Variants in PTK7 observed in about 807,000 individuals in gnomAD.
The protein encoded by PTK7 is protein tyrosine kinase 7 (inactive), also known as inactive tyrosine-protein kinase 7.
In PTK7, 39 loss-of-function variants were observed where a neutral mutation model predicts 116.6. That is an observed-to-expected ratio of 0.33 (90% CI 0.26 to 0.44). The LOEUF (loss-of-function observed/expected upper bound fraction) is 0.44, where lower values mean the gene tolerates loss of function less well. PTK7 is among the 20% of genes least tolerant of loss of function. The probability of loss-of-function intolerance (pLI) is 1.00; values close to 1 mark genes in which losing one functional copy is unlikely to be tolerated. For missense variants in PTK7, 1,169 were observed against 1,425.6 expected (o/e 0.82, Z 2.90); for synonymous variants, 546 against 563.6 (o/e 0.97, Z 0.44).
intron 17 of PTK7, among the ~76,000 whole-genome samples, chr6:43,157,364 ATTTTTTTTTTTCTTTTTTTTTT>A (rs1771550682): frequency 1.8e-5 from 1 of 54,364 alleles, no homozygotes; most frequent in African/African-American, 7.2e-5. Flanking sequence ...ATATATATAT[ATTTTTTTTTTTCTTTTTTTTTT>A]TTTTTTTTTA....
At position 43,108,211 on chromosome 6, in the gene PTK7, C is replaced by G. The variant is rs550526315; in HGVS notation, c.80-20766C>G. Among the ~76,000 whole-genome samples, 13 of 151,748 alleles carry G rather than the reference C, an allele frequency of 8.6e-5. No individual in the cohort carries two copies. In the South Asian group the frequency reaches 2.7e-3, roughly 32 times the overall value. On this transcript the variant is annotated intron_variant, in intron 1 of 19. Coordinates refer to ENST00000230419, the MANE Select transcript of PTK7 (RefSeq NM_002821.5). ...CCAGGTTCAAGCGATTCTCCTGCCT[C>G]AGCCTCCTGAGTAGCTGGGACTACA...
intron 16 of PTK7, 140 bp from the exon 17 acceptor site, chr6:43,146,478 C>G: frequency 1.4e-6 from 1 of 690,498 alleles, no homozygotes; most frequent in South Asian, 1.9e-5. Context: ...GTGAACTTCC[C>G]CCTGGGAAAG....
intron 1 of PTK7, among the ~76,000 whole-genome samples, chr6:43,116,238 C>T (rs1239121707): frequency 1.3e-5 from 2 of 152,114 alleles, no homozygotes; most frequent in Non-Finnish European, 2.9e-5. Context: ...AAGGAAGGGT[C>T]GCAAGAGGGG....
intron 1 of PTK7, among the ~76,000 whole-genome samples, chr6:43,088,647 A>G (rs148434428): frequency 0.022 from 3,341 of 152,218 alleles, 54 homozygotes; most frequent in Non-Finnish European, 0.034. Flanking sequence ...AGTTGAGATC[A>G]TGCTACTGCA....
At chr6:43,157,358 A>ATTTTTTTT (rs1205979544) in intron 17 of PTK7, among the ~76,000 whole-genome samples, 1 of 3,752 alleles carries the variant, frequency 2.7e-4, no homozygotes, top group Admixed American at 5.2e-3. Flanking sequence ...ATATATATAT[A>ATTTTTTTT]TATATATTTT....
intron 1 of PTK7, among the ~76,000 whole-genome samples, chr6:43,101,938 G>A (rs1162781072): frequency 2.6e-5 from 4 of 152,230 alleles, no homozygotes; most frequent in African/African-American, 9.6e-5. Context: ...GTTCACGCCT[G>A]TAATCCCAGC....
intron 17 of PTK7, among the ~76,000 whole-genome samples, chr6:43,153,433 A>G (rs372856249): frequency 7.7e-5 from 11 of 143,206 alleles, no homozygotes; most frequent in African/African-American, 2.4e-4. Context: ...TTTTTGAGAC[A>G]GAGTCTCATT....
chr6:43,132,247 C>G, intron 6 of PTK7, 83 bp downstream of exon 6: 1 of 1,526,142 alleles, frequency 6.6e-7, no homozygotes, highest in Non-Finnish European at 8.8e-7. Flanking sequence ...TCTGTTTTTA[C>G]TCAGCCGCTT....
chr6:43,124,625 G>A (rs368030610), intron 1 of PTK7, among the ~76,000 whole-genome samples: 13 of 152,044 alleles, frequency 8.6e-5, no homozygotes, highest in African/African-American at 2.7e-4. Flanking sequence ...GCAGTGAGCC[G>A]TGATGGCACC....
chr6:43,128,744 C>T (rs1337679563), intron 1 of PTK7, among the ~76,000 whole-genome samples: 2 of 152,158 alleles, frequency 1.3e-5, no homozygotes, highest in African/African-American at 4.8e-5. Flanking sequence ...GAGATCACAC[C>T]ACCACATTCC....
At chr6:43,108,481 C>T (rs1236927542) in intron 1 of PTK7, among the ~76,000 whole-genome samples, 10 of 151,384 alleles carry the variant, frequency 6.6e-5, no homozygotes, top group African/African-American at 2.4e-4. Context: ...CTCACTGCAG[C>T]CTCCACCTCC....
intron 17 of PTK7, among the ~76,000 whole-genome samples, chr6:43,150,595 G>A (rs999931483): frequency 2.6e-5 from 4 of 151,988 alleles, no homozygotes; most frequent in Non-Finnish European, 4.4e-5. Context: ...ATGAGGGCAC[G>A]TTACCAAAAC....
In PTK7 at chr6:43,157,584, A is replaced by G. The variant is rs796167524; in HGVS notation, c.2722-1233A>G. Among the ~76,000 whole-genome samples, 18 of 151,542 alleles carry G rather than the reference A, an allele frequency of 1.2e-4. No individual in the cohort carries two copies. The South Asian group carries it at 1.3e-3, about 11-fold the overall frequency. ...GTAAAATGAAAAAGAAACAACCCAT[A>G]AAGATATCATCTAAGATCAGGCATG... On this transcript the variant is annotated intron_variant, in intron 17 of 19. Transcript: ENST00000230419.
intron 1 of PTK7, among the ~76,000 whole-genome samples, chr6:43,120,666 C>G (rs945635152): frequency 6.6e-5 from 10 of 152,154 alleles, no homozygotes; most frequent in African/African-American, 2.4e-4. Flanking sequence ...GCCCCCGTTT[C>G]TGTAACTACC....
At chr6:43,106,246 T>C (rs1284000412) in intron 1 of PTK7, among the ~76,000 whole-genome samples, 1 of 152,200 alleles carries the variant, frequency 6.6e-6, no homozygotes, top group African/African-American at 2.4e-5. Flanking sequence ...AGTTCTCTGA[T>C]CATGCCTGGT....
chr6:43,088,798 G>A (rs1766797953), intron 1 of PTK7, among the ~76,000 whole-genome samples: 1 of 152,164 alleles, frequency 6.6e-6, no homozygotes, highest in African/African-American at 2.4e-5. Context: ...CCGATGGCTT[G>A]AGCTTTTCTC....
At position 43,130,669 on chromosome 6, in the gene PTK7, A is replaced by G. The variant is rs1225963448; in HGVS notation, c.812+8A>G. 8 of 1,614,170 alleles carry G rather than the reference A, an allele frequency of 5.0e-6. No individual in the cohort carries two copies. The highest frequency in any genetic ancestry group is 5.1e-6 in the Non-Finnish European group (6 of 1,180,018). The stretch of plus-strand genomic sequence containing the variant: ...CATCACTAACCGCAGTCGGTAAGGC[A>G]TCTGGCTGGGAGCATTCCAGTACCA... On this transcript the variant is annotated splice_region_variant and intron_variant, in intron 5 of 19. Transcript: ENST00000230419.
In PTK7 at chr6:43,076,355, C is replaced by T. The variant is rs1582035974; in HGVS notation, c.-134C>T. ...TCCGGCTCGGGACGCCTCGGGACGC[C>T]TCGGGGTCGGGCTCCGGCTGCGGCT... On this transcript the variant is annotated 5_prime_UTR_variant, in exon 1 of 20. Coordinates refer to ENST00000230419, the MANE Select transcript of PTK7 (RefSeq NM_002821.5). The surrounding 1 kb of genome is among the most constrained non-coding windows in gnomAD (Gnocchi z 5.7). 6 of 516,772 alleles carry T rather than the reference C, an allele frequency of 1.2e-5. No individual in the cohort carries two copies. The highest frequency in any genetic ancestry group is 5.1e-5 in the Admixed American group (1 of 19,548). The allele number at this position is 516,772 out of a possible 1,614,324, so 32.0% of individuals were successfully genotyped here.
chr6:43,150,381 A>C (rs1204032388), intron 17 of PTK7, among the ~76,000 whole-genome samples: 1 of 152,236 alleles, frequency 6.6e-6, no homozygotes, highest in African/African-American at 2.4e-5. Flanking sequence ...CATCTTGCCC[A>C]GCATAAAGGA....
Sources: allele counts gnomAD v4.1 joint callset (sites outside exome capture counted in the v4.1 genomes callset), GRCh38; gene constraint gnomAD v4.1.1; non-coding constraint Gnocchi (gnomAD v3.1); transcripts MANE v1.5; gene names NCBI Gene and HGNC (gene_info 2026-07-23, HGNC 2026-07-21).